TXNDC16: variants seen among roughly 807,000 people sequenced by gnomAD.
TXNDC16 encodes the protein thioredoxin domain-containing protein 16.
In TXNDC16, 74 loss-of-function variants were observed where a neutral mutation model predicts 85.6. That is an observed-to-expected ratio of 0.86 (90% CI 0.72 to 1.05). TXNDC16 has a LOEUF of 1.05. TXNDC16 is among the 50% of genes least tolerant of loss of function. The pLI is 0.00. For missense variants in TXNDC16, 959 were observed against 947.0 expected (o/e 1.01, Z -0.17); for synonymous variants, 335 against 326.5 (o/e 1.03, Z -0.28).
At chr14:52,515,241 T>G (rs2037054393) in intron 7 of TXNDC16, among the ~76,000 whole-genome samples, 1 of 152,188 alleles carries the variant, frequency 6.6e-6, no homozygotes, top group Non-Finnish European at 1.5e-5. Context: ...GGTAGTTTCT[T>G]TCTAGTAGTA....
At chr14:52,545,192 C>T (rs1209125674) in intron 1 of TXNDC16, among the ~76,000 whole-genome samples, 2 of 152,130 alleles carry the variant, frequency 1.3e-5, no homozygotes, top group African/African-American at 4.8e-5. Context: ...CATTTTAACA[C>T]TAAATTGGAC....
chr14:52,452,188 C>T (rs1050052830), intron 18 of TXNDC16, among the ~76,000 whole-genome samples: 2 of 152,034 alleles, frequency 1.3e-5, no homozygotes, highest in African/African-American at 4.8e-5. Flanking sequence ...ACTGAACACA[C>T]AAAAATAGAA....
chr14:52,473,945 A>T (rs2035963894), intron 14 of TXNDC16, among the ~76,000 whole-genome samples: 1 of 152,250 alleles, frequency 6.6e-6, no homozygotes, highest in South Asian at 2.1e-4. Context: ...CAACATAGAC[A>T]CAAAACATTG....
intron 20 of TXNDC16, among the ~76,000 whole-genome samples, chr14:52,437,512 T>C (rs2035056102): frequency 6.6e-6 from 1 of 152,042 alleles, no homozygotes; most frequent in Admixed American, 6.6e-5. Context: ...GATTTCTAAA[T>C]ACCCCATAAG....
intron 4 of TXNDC16, among the ~76,000 whole-genome samples, chr14:52,540,836 T>C (rs1286065235): frequency 6.6e-6 from 1 of 152,188 alleles, no homozygotes; most frequent in East Asian, 1.9e-4. Flanking sequence ...CTCACAAATA[T>C]TTACTCAGCA....
chr14:52,455,529 G>A, intron 17 of TXNDC16, 67 bp from the exon 18 acceptor site: 1 of 1,585,944 alleles, frequency 6.3e-7, no homozygotes, highest in Non-Finnish European at 8.6e-7. Flanking sequence ...GAAAATCTAG[G>A]CTAGGAGGTC....
rs139024241 is a variant in TXNDC16 at position 52,489,506 on chromosome 14, C to A, written c.984+885G>T. Among the ~76,000 whole-genome samples, 57 of 152,086 alleles carry A rather than the reference C, an allele frequency of 3.7e-4. No homozygotes were observed. In the East Asian group the frequency reaches 0.01, roughly 27 times the overall value. ...CATTTTTTTAACATTATATTCGAAA[C>A]GAGCAATTTTAATTTCTACAGAAAT... On this transcript the variant is annotated intron_variant, in intron 11 of 20. Transcript: ENST00000281741.
intron 14 of TXNDC16, among the ~76,000 whole-genome samples, chr14:52,480,944 G>GGTGT (rs146675184): frequency 5.7e-5 from 8 of 139,748 alleles, no homozygotes; most frequent in South Asian, 2.2e-4. Context: ...AAGACACTGT[G>GGTGT]GTGTGTGTGT....
chr14:52,442,633 C>T (rs1208925345), intron 18 of TXNDC16, among the ~76,000 whole-genome samples: 1 of 152,130 alleles, frequency 6.6e-6, no homozygotes, highest in African/African-American at 2.4e-5. Flanking sequence ...TCTTTCATGG[C>T]TTAAATCTTA....
rs1362382315 is a variant in TXNDC16 at position 52,482,804 on chromosome 14, C to T, written c.1252+18G>A. 6.3e-7 allele frequency: 1 copy of T among 1,578,618 alleles called. No homozygotes were observed. The highest frequency in any genetic ancestry group is 8.6e-7 in the Non-Finnish European group (1 of 1,169,064). The stretch of plus-strand genomic sequence containing the variant: ...AAATGTCCTAATATGTAACAGTCCT[C>T]TAAAGGCTCATACTCACAACCAGCA... On this transcript the variant is annotated intron_variant, in intron 13 of 20. Transcript: ENST00000281741.
chr14:52,537,694 T>A, intron 4 of TXNDC16, 22 bp from the exon 5 acceptor site: 1 of 1,388,712 alleles, frequency 7.2e-7, no homozygotes, highest in Non-Finnish European at 1.0e-6. Flanking sequence ...TATACTTAAG[T>A]TTTAGCATAT....
At chr14:52,542,755 A>T (rs1489126682) in intron 3 of TXNDC16, among the ~76,000 whole-genome samples, 10 of 152,176 alleles carry the variant, frequency 6.6e-5, no homozygotes, top group Admixed American at 6.5e-4. Flanking sequence ...AATACCATAT[A>T]CACAACACAC....
Position 52,440,596 on chromosome 14 carries a change from G to A in TXNDC16, c.1971C>T (p.Tyr657=). ...KAILTLVKQK[Y]LDSFTPCWLN... is the part of the protein sequence containing the mutation. Reference sequence around the variant, plus strand: ...ACCAGCATGGAGTAAATGAATCCAAGTATTTCTGCTTTACCAGTGTCAATA... The same window carrying A: ...ACCAGCATGGAGTAAATGAATCCAAATATTTCTGCTTTACCAGTGTCAATA... Residue 657 remains tyrosine, a synonymous_variant, in exon 19 of 21, where the codon TAC becomes TAT. Coordinates refer to ENST00000281741, the MANE Select transcript of TXNDC16 (RefSeq NM_020784.3). The A allele has an allele frequency of 6.2e-7, 1 of 1,606,570 alleles. No homozygotes were observed. Among genetic ancestry groups the A allele is most frequent in the South Asian group, 1.1e-5 (1 of 89,184 alleles).
chr14:52,492,929 G>C (rs2036441594), intron 9 of TXNDC16, among the ~76,000 whole-genome samples: 1 of 152,014 alleles, frequency 6.6e-6, no homozygotes, highest in South Asian at 2.1e-4. Context: ...TGCAAAGACT[G>C]ATGTTTTTGT....
intron 6 of TXNDC16, among the ~76,000 whole-genome samples, chr14:52,520,405 C>T (rs763978582): frequency 7.2e-5 from 11 of 152,094 alleles, no homozygotes; most frequent in Non-Finnish European, 1.0e-4. Context: ...GGGCGGATCA[C>T]GAGGTCAGGA....
intron 6 of TXNDC16, among the ~76,000 whole-genome samples, chr14:52,529,971 T>C (rs1197455419): frequency 2.0e-5 from 2 of 101,524 alleles, no homozygotes; most frequent in Non-Finnish European, 3.5e-5. Context: ...ATAATACATA[T>C]AACAATATGT....
chr14:52,458,379 G>A lies in TXNDC16; in HGVS notation c.1619-1205C>T, dbSNP rs369791090. ...TTGAGATTAGCCTGGCCAACATGGT[G>A]AAACCCCATCTCTACTAAAATACAA... On this transcript the variant is annotated intron_variant, in intron 16 of 20. Coordinates refer to ENST00000281741, the MANE Select transcript of TXNDC16 (RefSeq NM_020784.3). Among the ~76,000 whole-genome samples the A allele has an allele frequency of 3.9e-5, 6 of 152,240 alleles. No individual in the cohort carries two copies. In the East Asian group the frequency reaches 1.2e-3, roughly 29 times the overall value.
At chr14:52,543,700 C>A in intron 2 of TXNDC16, 70 bp from the exon 3 acceptor site, 2 of 939,626 alleles carry the variant, frequency 2.1e-6, no homozygotes, top group Non-Finnish European at 3.1e-6. Flanking sequence ...GAAGTAAAAT[C>A]TACAAAAAGA....
chr14:52,526,885 T>A (rs2037347878), intron 6 of TXNDC16, among the ~76,000 whole-genome samples: 1 of 152,072 alleles, frequency 6.6e-6, no homozygotes, highest in African/African-American at 2.4e-5. Flanking sequence ...CATATCTACA[T>A]AACAAAGCCT....
Sources: allele counts gnomAD v4.1 joint callset (sites outside exome capture counted in the v4.1 genomes callset), GRCh38; gene constraint gnomAD v4.1.1; transcripts MANE v1.5; gene names NCBI Gene and HGNC (gene_info 2026-07-23, HGNC 2026-07-21).